Variants in PPT1 observed in about 807,000 individuals in gnomAD.
PPT1 encodes the protein palmitoyl-protein thioesterase 1, also known as ceroid-palmitoyl-palmitoyl-protein thioesterase 1.
A neutral mutation model predicts 44.0 loss-of-function variants in PPT1; 24 were observed. The ratio of observed to expected loss-of-function variants is 0.54; its 90% CI spans 0.39 to 0.77. The LOEUF is 0.77. PPT1 is among the 30% of genes least tolerant of loss of function. PPT1 has a pLI of 0.00. For missense variants in PPT1, 341 were observed against 378.8 expected, an observed-to-expected ratio of 0.90 and a Z score of 0.83; for synonymous variants, 148 against 140.2, an observed-to-expected ratio of 1.06 and a Z score of -0.39.
intron 1 of PPT1, among the ~76,000 whole-genome samples, chr1:40,095,867 C>A (rs549218861): frequency 6.6e-6 from 1 of 152,308 alleles, no homozygotes; most frequent in African/African-American, 2.4e-5. Flanking sequence ...TGTGTCAGAT[C>A]ATGTCACTCA....
intron 4 of PPT1, 44 bp downstream of exon 4, chr1:40,091,285 G>C (rs189417049): frequency 6.4e-7 from 1 of 1,566,198 alleles, no homozygotes; most frequent in Non-Finnish European, 8.8e-7. Context: ...AGGTGGTCAT[G>C]TGGGTTAGAA....
At position 40,092,399 on chromosome 1, in the gene PPT1, T is replaced by G. The variant is rs769365325; in HGVS notation, c.233A>C (p.Glu78Ala). 6.2e-7 allele frequency: 1 copy of G among 1,603,164 alleles called. No individual in the cohort carries two copies. The highest frequency in any genetic ancestry group is 1.7e-5 in the Admixed American group (1 of 60,008). The change falls in exon 2 of 9, where the codon GAG (glutamate) becomes GCG (alanine). Residue 78 changes from glutamate to alanine, a missense_variant and splice_region_variant. Coordinates refer to ENST00000642050, the MANE Select transcript of PPT1 (RefSeq NM_000310.4). ...LSLEIGKTLM[E>A]DVENSFFLNV... ...AGGAACAGCTGTGAAGCGCCTTACC[T>G]CCATCAGGGTCTTCCCAATCTCTAA...
intron 7 of PPT1, among the ~76,000 whole-genome samples, chr1:40,078,072 T>C (rs1648719856): frequency 1.3e-5 from 2 of 152,226 alleles, no homozygotes; most frequent in South Asian, 2.1e-4. Flanking sequence ...GTTGGGGGAT[T>C]GATTACAATC....
At chr1:40,076,539 G>A in intron 8 of PPT1, 5 of 919,156 alleles carry the variant, frequency 5.4e-6, no homozygotes, top group Middle Eastern at 1.1e-3. Context: ...CCTCAGCCAA[G>A]GCAGCTAGTT....
At chr1:40,084,478 C>T (rs1049723822) in intron 5 of PPT1, among the ~76,000 whole-genome samples, 3 of 152,272 alleles carry the variant, frequency 2.0e-5, no homozygotes, top group East Asian at 1.9e-4. Flanking sequence ...CAAATAGCAT[C>T]GCATGCTACA....
intron 5 of PPT1, among the ~76,000 whole-genome samples, chr1:40,084,542 C>T (rs1218042739): frequency 6.6e-6 from 1 of 152,216 alleles, no homozygotes; most frequent in Non-Finnish European, 1.5e-5. Flanking sequence ...ATCATTGTCT[C>T]ACTTTAAGAA....
chr1:40,084,740 T>A (rs981772363), intron 5 of PPT1, among the ~76,000 whole-genome samples: 1 of 152,244 alleles, frequency 6.6e-6, no homozygotes, highest in African/African-American at 2.4e-5. Flanking sequence ...TTTATTCCAA[T>A]ATTATAATAA....
At chr1:40,075,393 CAG>C (rs1162644633) in intron 8 of PPT1, 2 of 151,958 alleles carry the variant, frequency 1.3e-5, no homozygotes, top group Admixed American at 1.3e-4. Context: ...GCAGTTACGA[CAG>C]TGCCAGAATG....
intron 1 of PPT1, among the ~76,000 whole-genome samples, chr1:40,093,754 A>C (rs1649694914): frequency 1.4e-5 from 1 of 72,522 alleles, no homozygotes; most frequent in Admixed American, 1.6e-4. Flanking sequence ...GTGTGGTGGC[A>C]CATGTCTGTA....
At chr1:40,084,856 C>T (rs746688300) in intron 5 of PPT1, among the ~76,000 whole-genome samples, 6 of 152,234 alleles carry the variant, frequency 3.9e-5, no homozygotes, top group African/African-American at 7.2e-5. Flanking sequence ...AGCCCTCTGT[C>T]ATGCCCGGAC....
intron 5 of PPT1, among the ~76,000 whole-genome samples, chr1:40,086,183 G>A (rs1163352177): frequency 2.0e-5 from 3 of 152,200 alleles, no homozygotes; most frequent in Admixed American, 2.0e-4. Flanking sequence ...GCCAAGGCCA[G>A]GGCAACACTG....
chr1:40,071,886 A>G, downstream of PPT1: 1 of 438,776 alleles, frequency 2.3e-6, no homozygotes, highest in South Asian at 6.7e-5. Flanking sequence ...CCCTGGAATT[A>G]ACAGATCAGA....
intron 5 of PPT1, among the ~76,000 whole-genome samples, chr1:40,085,156 A>G (rs528830963): frequency 6.6e-6 from 1 of 152,286 alleles, no homozygotes; most frequent in East Asian, 1.9e-4. Flanking sequence ...GCCTGCTTTC[A>G]TGTTCCATCC....
At chr1:40,089,582 A>T (rs1557712582) in intron 4 of PPT1, 70 bp from the exon 5 acceptor site, 1 of 1,109,072 alleles carries the variant, frequency 9.0e-7, no homozygotes. Context: ...TGCACAAGGC[A>T]CTGTGAGAAA....
rs761687224 is a variant in PPT1 at position 40,089,434 on chromosome 1, G to A, written c.512C>T (p.Ala171Val). Residue 171 changes from alanine (A) to valine (V), a missense_variant, in exon 5 of 9, where the codon GCG becomes GTG. Ala to Val is a moderately conservative substitution (Grantham distance 64). Coordinates refer to ENST00000642050, the MANE Select transcript of PPT1 (RefSeq NM_000310.4). ...CCGTTCCTGAACAACTTTGGAGTAC[G>A]CCCCAGCATTCAGTGTTTTTCGGAT... is the stretch of plus-strand genomic sequence containing the variant. Reference protein sequence around the residue: ...DFIRKTLNAGAYSKVVQERLV... With the variant: ...DFIRKTLNAGVYSKVVQERLV... 29 of 1,613,884 alleles carry A rather than the reference G, an allele frequency of 1.8e-5. No individual in the cohort carries two copies. The highest frequency in any genetic ancestry group is 3.3e-5 in the South Asian group (3 of 91,084).
At chr1:40,071,927 ATG>A, downstream of PPT1, 1 of 411,738 alleles carries the variant, frequency 2.4e-6, no homozygotes, top group Non-Finnish European at 4.3e-6. Context: ...TTTTTTAACA[ATG>A]AGCATGAAGG....
rs998610907 is a variant in PPT1, at chr1:40,092,416, A to G, written c.216T>C (p.Ile72=). 4.3e-6 allele frequency: 7 copies of G among 1,611,744 alleles called. No homozygotes were observed. Among genetic ancestry groups the G allele is most frequent in the Non-Finnish European group, 5.9e-6 (7 of 1,177,804 alleles). The change falls in exon 2 of 9, where the codon ATT becomes ATC. Residue 72 remains isoleucine, a synonymous_variant. Transcript: ENST00000642050. ...GCCTTACCTCCATCAGGGTCTTCCC[A>G]ATCTCTAAAGATAAGACGTAAATTC... The part of the protein sequence containing the change: ...IPGIYVLSLE[I]GKTLMEDVEN...
At chr1:40,093,301 T>A (rs562206292) in intron 1 of PPT1, among the ~76,000 whole-genome samples, 1 of 152,278 alleles carries the variant, frequency 6.6e-6, no homozygotes, top group Admixed American at 6.5e-5. Context: ...ATTCCTTTCA[T>A]AGGATAAATA....
rs1648655716 is a variant in PPT1 at position 40,076,858 on chromosome 1, G to A, written c.782C>T (p.Thr261Ile). 6.2e-7 allele frequency: 1 copy of A among 1,614,148 alleles called. No individual in the cohort carries two copies. Among genetic ancestry groups the A allele is most frequent in the African/African-American group, 1.3e-5 (1 of 75,058 alleles). Residue 261 changes from threonine to isoleucine, a missense_variant, in exon 8 of 9, where the codon ACC becomes ATC. Thr to Ile is a moderately conservative substitution (Grantham distance 89, BLOSUM62 -1). Transcript: ENST00000642050. ...QAKETIPLQE[T>I]SLYTQDRLGL... is the part of the protein sequence containing the mutation. Reference sequence around the variant, plus strand: ...GCCAGTTACCTGTGTGTACAGGGAGGTCTCCTGTAAGGGAATGGTTTCCTT... The same window carrying A: ...GCCAGTTACCTGTGTGTACAGGGAGATCTCCTGTAAGGGAATGGTTTCCTT...
Sources: gnomAD v4.1 joint callset for allele counts (sites outside exome capture counted in the v4.1 genomes callset) on GRCh38, gnomAD v4.1.1 for gene constraint, MANE v1.5 for transcripts, NCBI Gene and HGNC (gene_info 2026-07-23, HGNC 2026-07-21) for gene names.